Variants in CADPS2 observed in about 807,000 individuals in gnomAD.
CADPS2 encodes the protein calcium-dependent secretion activator 2.
A neutral mutation model predicts 172.5 loss-of-function variants in CADPS2; 93 were observed. The ratio of observed to expected loss-of-function variants is 0.54; its 90% confidence interval spans 0.46 to 0.64. The LOEUF is 0.64. Ranked by LOEUF, CADPS2 falls within the 30% of genes least tolerant of loss-of-function variation. The pLI is 0.00. For synonymous variants in CADPS2, 546 were observed against 555.2 expected (o/e 0.98, Z 0.23); for missense variants, 1,420 against 1,565.9 (o/e 0.91, Z 1.57).
At chr7:122,588,049 A>T (rs2070058060) in intron 6 of CADPS2, among the ~76,000 whole-genome samples, 1 of 151,124 alleles carries the variant, frequency 6.6e-6, no homozygotes, top group African/African-American at 2.4e-5. Context: ...CCCACTTTTA[A>T]ATTTTTTTTC....
chr7:122,593,034 A>C lies in CADPS2; in HGVS notation c.1224-11744T>G, dbSNP rs999111960. 2.6e-5 allele frequency among the ~76,000 whole-genome samples: 4 copies of C among 151,676 alleles called. No homozygotes were observed. The East Asian group carries it at 7.7e-4, about 29-fold the overall frequency. ...AATAAATAAATGTATTTGAAATTCCAACTTGAGATATCTAAATTGAATTAC... is the reference window on the plus strand; with the variant it reads ...AATAAATAAATGTATTTGAAATTCCCACTTGAGATATCTAAATTGAATTAC... On this transcript the variant is annotated intron_variant, in intron 6 of 29. Coordinates refer to ENST00000449022, the MANE Select transcript of CADPS2 (RefSeq NM_017954.11).
chr7:122,755,782 G>C (rs1419256815), intron 1 of CADPS2, among the ~76,000 whole-genome samples: 5 of 151,740 alleles, frequency 3.3e-5, no homozygotes, highest in Non-Finnish European at 4.4e-5. Flanking sequence ...GCCTATGTTT[G>C]TGTTCTATAC....
At chr7:122,601,878 T>C (rs2072835832) in intron 6 of CADPS2, among the ~76,000 whole-genome samples, 1 of 152,056 alleles carries the variant, frequency 6.6e-6, no homozygotes, top group Non-Finnish European at 1.5e-5. Context: ...TACCTGATAA[T>C]TGTCAGTACT....
intron 2 of CADPS2, chr7:122,698,958 T>C: frequency 7.3e-7 from 1 of 1,370,844 alleles, no homozygotes; most frequent in Non-Finnish European, 9.9e-7. Context: ...AACCTAACAG[T>C]TGCACATCTG....
intron 7 of CADPS2, among the ~76,000 whole-genome samples, chr7:122,571,590 C>A (rs1416979748): frequency 6.6e-6 from 1 of 152,064 alleles, no homozygotes; most frequent in African/African-American, 2.4e-5. Flanking sequence ...CATGGAATGA[C>A]AGGTAGAAAC....
rs115500452 is a variant in CADPS2, at chr7:122,398,830, G to C, written c.2747-5248C>G. Among the ~76,000 whole-genome samples, 407 of 121,652 alleles carry C rather than the reference G, an allele frequency of 3.3e-3. 4 individuals carry two copies. Among genetic ancestry groups the C allele is most frequent in the African/African-American group, 0.012 (386 of 32,318 alleles). The allele number at this position is 121,652 out of a possible 152,430, so 79.8% of individuals were successfully genotyped here. ...AGATTTAGGAATAGCACCCAGCCAA[G>C]AATCTGGCACATTAAGTAGGCACTC... On this transcript the variant is annotated intron_variant, in intron 20 of 29. Coordinates refer to ENST00000449022, the MANE Select transcript of CADPS2 (RefSeq NM_017954.11).
At chr7:122,817,071 C>T (rs767059421) in intron 1 of CADPS2, among the ~76,000 whole-genome samples, 3 of 151,720 alleles carry the variant, frequency 2.0e-5, no homozygotes, top group Non-Finnish European at 4.4e-5. Flanking sequence ...TATCTCCCTT[C>T]GCTAACTCTC....
intron 6 of CADPS2, among the ~76,000 whole-genome samples, chr7:122,595,583 G>A (rs896585051): frequency 6.6e-5 from 10 of 152,064 alleles, no homozygotes; most frequent in South Asian, 4.1e-4. Context: ...CTGTATCAGA[G>A]CAGTAACGTG....
At chr7:122,338,671 C>CAAGTTAGTTAGTG (rs2036282484) in intron 28 of CADPS2, among the ~76,000 whole-genome samples, 2 of 152,084 alleles carry the variant, frequency 1.3e-5, no homozygotes, top group East Asian at 3.9e-4. Flanking sequence ...TTTGTGAAGA[C>CAAGTTAGTTAGTG]CATATAACAA....
At chr7:122,580,446 C>T (rs1171577558) in intron 7 of CADPS2, among the ~76,000 whole-genome samples, 1 of 117,806 alleles carries the variant, frequency 8.5e-6, no homozygotes, top group East Asian at 2.3e-4. Context: ...GAGCAAGATT[C>T]TGTCTCAAAA....
At chr7:122,424,327 C>T (rs1001246799) in intron 17 of CADPS2, 4 of 984,714 alleles carry the variant, frequency 4.1e-6, no homozygotes, top group Non-Finnish European at 3.6e-6. Flanking sequence ...ACTACTTTAC[C>T]TAGATTATCT....
intron 9 of CADPS2, among the ~76,000 whole-genome samples, chr7:122,493,641 T>C (rs1389704121): frequency 6.6e-6 from 1 of 152,078 alleles, no homozygotes. Context: ...GGTTCTATGA[T>C]ATACTTACGT....
intron 23 of CADPS2, 53 bp downstream of exon 23, chr7:122,388,530 T>C (rs1448900266): frequency 2.7e-6 from 4 of 1,508,144 alleles, no homozygotes. Flanking sequence ...TGATAAAAAG[T>C]GATATTTTTG....
chr7:122,408,203 C>T (rs2046891510), intron 19 of CADPS2, among the ~76,000 whole-genome samples: 1 of 150,790 alleles, frequency 6.6e-6, no homozygotes, highest in Non-Finnish European at 1.5e-5. Flanking sequence ...TACCAATTAC[C>T]CTATTAAAAT....
At chr7:122,571,718 G>A (rs77784198) in intron 7 of CADPS2, among the ~76,000 whole-genome samples, 30,551 of 152,090 alleles carry the variant, frequency 0.2, 4,060 homozygotes, top group Non-Finnish European at 0.3. Flanking sequence ...CACTGGTGTG[G>A]TGACTGAGAT....
At chr7:122,327,696 T>C (rs986267388) in intron 28 of CADPS2, among the ~76,000 whole-genome samples, 2 of 151,980 alleles carry the variant, frequency 1.3e-5, no homozygotes, top group African/African-American at 4.8e-5. Flanking sequence ...AGACATATAA[T>C]GTAACACAGA....
chr7:122,619,631 CAAAT>C (rs372429008), intron 5 of CADPS2, among the ~76,000 whole-genome samples: 7 of 151,826 alleles, frequency 4.6e-5, no homozygotes, highest in African/African-American at 9.7e-5. Flanking sequence ...AGTCTCCAAA[CAAAT>C]AAATAAATAA....
rs77339747 is a variant in CADPS2, at chr7:122,519,019, A to G, written c.1476-5704T>C. On this transcript the variant is annotated intron_variant, in intron 8 of 29. Transcript: ENST00000449022. ...TCAGAAATATATGGAAAAACAAAAG[A>G]ACACAAATATCATCAGTTTTCATGG... is the stretch of plus-strand genomic sequence containing the variant. Among the ~76,000 whole-genome samples, 855 of 152,154 alleles carry G rather than the reference A, an allele frequency of 5.6e-3. 5 individuals are homozygous for G. Among genetic ancestry groups the G allele is most frequent in the African/African-American group, 0.02 (817 of 41,522 alleles).
intron 4 of CADPS2, among the ~76,000 whole-genome samples, chr7:122,628,690 A>C (rs1317818488): frequency 3.3e-5 from 5 of 150,884 alleles, no homozygotes; most frequent in Non-Finnish European, 7.4e-5. Context: ...TCTGAAATTT[A>C]TCTCTATTCA....
Sources: gnomAD v4.1 joint callset for allele counts (sites outside exome capture counted in the v4.1 genomes callset) on GRCh38, gnomAD v4.1.1 for gene constraint, MANE v1.5 for transcripts, NCBI Gene and HGNC (gene_info 2026-07-23, HGNC 2026-07-21) for gene names.